ARHGEF26: variants seen among roughly 807,000 people sequenced by gnomAD.
The protein encoded by ARHGEF26 is Rho guanine nucleotide exchange factor 26, also known as Rho guanine nucleotide exchange factor (GEF) 26.
In ARHGEF26, 59 loss-of-function variants were observed where a neutral mutation model predicts 89.4. The ratio of observed to expected loss-of-function variants is 0.66; its 90% CI spans 0.54 to 0.82. The LOEUF (loss-of-function observed/expected upper bound fraction) is 0.82, where lower values mean the gene tolerates loss of function less well. Ranked by LOEUF, ARHGEF26 falls within the 40% of genes least tolerant of loss-of-function variation. The pLI is 0.00. For missense variants in ARHGEF26, 1,234 were observed against 1,085.6 expected, an observed-to-expected ratio of 1.14 and a Z score of -1.92; for synonymous variants, 500 against 428.4, an observed-to-expected ratio of 1.17 and a Z score of -2.06.
intron 8 of ARHGEF26, among the ~76,000 whole-genome samples, chr3:154,192,621 T>G (rs1338009018): frequency 6.6e-6 from 1 of 152,224 alleles, no homozygotes; most frequent in African/African-American, 2.4e-5. Context: ...GAGATCAGTA[T>G]TTATCATGTT....
chr3:154,149,783 G>A (rs552114047), intron 5 of ARHGEF26, among the ~76,000 whole-genome samples: 142 of 152,156 alleles, frequency 9.3e-4, no homozygotes, highest in African/African-American at 3.2e-3. Flanking sequence ...TGATAGTCAC[G>A]TTAGTCTGTA....
intron 6 of ARHGEF26, among the ~76,000 whole-genome samples, chr3:154,167,035 T>G (rs1311335404): frequency 2.0e-5 from 3 of 152,184 alleles, no homozygotes; most frequent in African/African-American, 7.2e-5. Flanking sequence ...GAGTATAATT[T>G]TTTAAAATCT....
Position 154,256,414 on chromosome 3 carries a change from G to C in ARHGEF26, c.*941G>C. The C allele has an allele frequency of 1.3e-6, 1 of 764,090 alleles. No homozygotes were observed. The highest frequency in any genetic ancestry group is 1.6e-6 in the Non-Finnish European group (1 of 629,638). The allele number at this position is 764,090 out of a possible 1,614,324, so 47.3% of individuals were successfully genotyped here. A position where few individuals can be genotyped will look rare whatever the true frequency, so the allele number is the denominator to read the frequency against. On this transcript the variant is annotated 3_prime_UTR_variant, in exon 15 of 15. Transcript: ENST00000465093. ...CTTTTTGTATTTTTAGTAGAGACAG[G>C]GTTTCATCATGTTGGCCAGGATGGT...
intron 6 of ARHGEF26, among the ~76,000 whole-genome samples, chr3:154,173,386 AAG>A (rs1559876967): frequency 6.6e-6 from 1 of 152,206 alleles, no homozygotes. Flanking sequence ...TAAAATTATG[AAG>A]AGACAATTGA....
chr3:154,170,124 G>A (rs1712328310), intron 6 of ARHGEF26, among the ~76,000 whole-genome samples: 1 of 151,680 alleles, frequency 6.6e-6, no homozygotes, highest in Non-Finnish European at 1.5e-5. Flanking sequence ...CACTTTGCGA[G>A]GCCAAGGTGG....
At chr3:154,151,076 C>G (rs1719990934) in intron 5 of ARHGEF26, among the ~76,000 whole-genome samples, 1 of 152,128 alleles carries the variant, frequency 6.6e-6, no homozygotes, top group African/African-American at 2.4e-5. Context: ...AAGGAGTGAG[C>G]AGAGTGGGGG....
intron 13 of ARHGEF26, among the ~76,000 whole-genome samples, chr3:154,253,862 G>A (rs1224930182): frequency 2.6e-5 from 4 of 152,186 alleles, no homozygotes; most frequent in Non-Finnish European, 5.9e-5. Context: ...TAGATTAAAA[G>A]CCAAAATGAC....
At chr3:154,185,989 C>A (rs929278323) in intron 6 of ARHGEF26, among the ~76,000 whole-genome samples, 1 of 152,166 alleles carries the variant, frequency 6.6e-6, no homozygotes, top group Non-Finnish European at 1.5e-5. Flanking sequence ...TGCATGCCTC[C>A]CATCAACCGC....
rs796172729 is a variant in ARHGEF26 at position 154,126,775 on chromosome 3, CT to C, written c.1123+2330del. Among the ~76,000 whole-genome samples the C allele has an allele frequency of 6.0e-3, 921 of 152,244 alleles. 7 individuals are homozygous for C. Among genetic ancestry groups the C allele is most frequent in the African/African-American group, 0.021 (861 of 41,530 alleles). ...TTTGCCACGTTGACTTTCCCTAGTT[CT>C]TTTAAGATACAGCCATGCATCACTT... On this transcript the variant is annotated intron_variant, in intron 3 of 14. Coordinates refer to ENST00000465093, the MANE Select transcript of ARHGEF26 (RefSeq NM_015595.4).
Position 154,187,783 on chromosome 3 carries a change from A to G in ARHGEF26, c.1586A>G (p.Tyr529Cys). ...EKHTASTFDP[Y>C]VKYCTNEVYQ... ...CACACAGCATCCACATTTGACCCAT[A>G]TGTGAAATACTGCACAAATGAAGTC... The change falls in exon 7 of 15, where the codon TAT (tyrosine) becomes TGT (cysteine). Residue 529 changes from tyrosine to cysteine, a missense_variant. Tyr to Cys is a radical substitution (Grantham distance 194). Transcript: ENST00000465093. The G allele has an allele frequency of 6.2e-7, 1 of 1,612,130 alleles. No individual in the cohort carries two copies. The highest frequency in any genetic ancestry group is 8.5e-7 in the Non-Finnish European group (1 of 1,178,896).
At chr3:154,207,088 TTATACCA>T (rs780966941) in intron 9 of ARHGEF26, among the ~76,000 whole-genome samples, 2 of 152,194 alleles carry the variant, frequency 1.3e-5, no homozygotes, top group Non-Finnish European at 2.9e-5. Context: ...GATTCCTTTC[TTATACCA>T]TATACAAAAA....
At chr3:154,227,227 A>G (rs1432492931) in intron 11 of ARHGEF26, among the ~76,000 whole-genome samples, 3 of 152,120 alleles carry the variant, frequency 2.0e-5, no homozygotes, top group East Asian at 1.9e-4. Flanking sequence ...CTATTTCCAT[A>G]TCTCCAAGGA....
At chr3:154,233,676 A>G (rs1716942713) in intron 11 of ARHGEF26, among the ~76,000 whole-genome samples, 1 of 152,236 alleles carries the variant, frequency 6.6e-6, no homozygotes, top group Non-Finnish European at 1.5e-5. Flanking sequence ...GCATTAGAAG[A>G]TAGAGTTTCA....
chr3:154,158,171 G>T (rs995449718), intron 6 of ARHGEF26, among the ~76,000 whole-genome samples: 3 of 152,094 alleles, frequency 2.0e-5, no homozygotes, highest in Admixed American at 6.5e-5. Flanking sequence ...TTTTTGAGAT[G>T]CATGGAGTAA....
At chr3:154,224,904 C>T (rs988557568) in intron 10 of ARHGEF26, among the ~76,000 whole-genome samples, 2 of 152,042 alleles carry the variant, frequency 1.3e-5, no homozygotes, top group South Asian at 2.1e-4. Flanking sequence ...TCCTCAATTT[C>T]CTTTAGCTAT....
chr3:154,214,731 C>T (rs1302647918), intron 9 of ARHGEF26, among the ~76,000 whole-genome samples: 2 of 152,044 alleles, frequency 1.3e-5, no homozygotes, highest in African/African-American at 4.8e-5. Flanking sequence ...CAAAAATGTC[C>T]CAAGCAGCAG....
rs139191282 is a variant in ARHGEF26 at position 154,250,381 on chromosome 3, A to G, written c.2301-2735A>G. On this transcript the variant is annotated intron_variant, in intron 12 of 14. Transcript: ENST00000465093. ...AAGTCCTGTGGATTTGACAGCATCT[A>G]AGAGGGGGGGGTGGGACTCACTCAA... 1.8e-3 allele frequency among the ~76,000 whole-genome samples: 263 copies of G among 149,740 alleles called. 2 individuals carry two copies. Among genetic ancestry groups the G allele is most frequent in the South Asian group, 2.4e-3 (11 of 4,678 alleles).
chr3:154,149,283 TCTC>T (rs1719875298), intron 4 of ARHGEF26, 103 bp from the exon 5 acceptor site: 1 of 688,344 alleles, frequency 1.5e-6, no homozygotes, highest in Non-Finnish European at 2.3e-6. Context: ...TTGTATAGTT[TCTC>T]CTAATTCATT....
At chr3:154,238,462 A>G (rs1717257255) in intron 11 of ARHGEF26, among the ~76,000 whole-genome samples, 1 of 152,220 alleles carries the variant, frequency 6.6e-6, no homozygotes, top group Non-Finnish European at 1.5e-5. Flanking sequence ...AAAAGATTAT[A>G]AAGTTTTTCA....
Sources: allele counts gnomAD v4.1 joint callset (sites outside exome capture counted in the v4.1 genomes callset), GRCh38; gene constraint gnomAD v4.1.1; transcripts MANE v1.5; gene names NCBI Gene and HGNC (gene_info 2026-07-23, HGNC 2026-07-21).